ZPBP: variants seen among roughly 807,000 people sequenced by gnomAD.
ZPBP encodes the protein zona pellucida binding protein.
A neutral mutation model predicts 44.8 loss-of-function variants in ZPBP; 26 were observed. That is an observed-to-expected ratio of 0.58 (90% CI 0.43 to 0.81). The LOEUF is 0.81. Ranked by LOEUF, ZPBP falls within the 30% of genes least tolerant of loss-of-function variation. The pLI is 0.00. For synonymous variants in ZPBP, 174 were observed against 153.2 expected, an observed-to-expected ratio of 1.14 and a Z score of -1.00; for missense variants, 409 against 434.0, an observed-to-expected ratio of 0.94 and a Z score of 0.51.
chr7:50,010,055 T>C (rs545612234), intron 6 of ZPBP, among the ~76,000 whole-genome samples: 1 of 152,066 alleles, frequency 6.6e-6, no homozygotes, highest in East Asian at 1.9e-4. Flanking sequence ...AAAATGTAAG[T>C]TTTCCCCAGA....
intron 7 of ZPBP, among the ~76,000 whole-genome samples, chr7:49,965,200 A>G (rs910247286): frequency 2.6e-5 from 4 of 152,110 alleles, no homozygotes; most frequent in African/African-American, 9.7e-5. Context: ...TGTGAAGAAA[A>G]CTACACCAAG....
chr7:50,044,269 GCAAA>G (rs1475012488), intron 4 of ZPBP, among the ~76,000 whole-genome samples: 1 of 152,034 alleles, frequency 6.6e-6, no homozygotes, highest in African/African-American at 2.4e-5. Flanking sequence ...AGAAGCAAGA[GCAAA>G]CAAATTCAAA....
At chr7:50,075,311 A>C (rs1049935129) in intron 3 of ZPBP, among the ~76,000 whole-genome samples, 7 of 151,888 alleles carry the variant, frequency 4.6e-5, no homozygotes, top group Non-Finnish European at 1.0e-4. Context: ...AAGTGCCTAC[A>C]TTGAAAAAAG....
At chr7:49,938,235 CT>C (rs36028315) in intron 7 of ZPBP, among the ~76,000 whole-genome samples, 113,749 of 151,456 alleles carry the variant, frequency 0.75, 42,815 homozygotes, top group East Asian at 0.89. Flanking sequence ...TGGAAAGAGA[CT>C]GCATTTTTTT....
At chr7:49,994,797 G>T (rs571845044) in intron 6 of ZPBP, among the ~76,000 whole-genome samples, 14 of 152,096 alleles carry the variant, frequency 9.2e-5, no homozygotes, top group African/African-American at 3.1e-4. Context: ...GGCCTACATG[G>T]CACATAAGCT....
intron 4 of ZPBP, among the ~76,000 whole-genome samples, chr7:50,049,717 A>G (rs955650165): frequency 6.6e-6 from 1 of 152,002 alleles, no homozygotes; most frequent in Non-Finnish European, 1.5e-5. Context: ...TATATACTCA[A>G]TGGTGAAAGA....
intron 6 of ZPBP, among the ~76,000 whole-genome samples, chr7:49,994,097 G>A (rs1281095796): frequency 1.3e-5 from 2 of 152,046 alleles, no homozygotes; most frequent in East Asian, 1.9e-4. Context: ...AACCACTGGC[G>A]ACAGCCCAGA....
At chr7:49,984,453 A>G (rs191435854) in intron 6 of ZPBP, among the ~76,000 whole-genome samples, 28 of 152,202 alleles carry the variant, frequency 1.8e-4, no homozygotes, top group Non-Finnish European at 5.9e-5. Context: ...GGCACTAGGG[A>G]ATGGTTTTAT....
chr7:49,928,140 A>C (rs780872830), intron 1 of ZPBP, among the ~76,000 whole-genome samples: 2 of 152,118 alleles, frequency 1.3e-5, no homozygotes, highest in African/African-American at 2.4e-5. Flanking sequence ...CTTTGTTTTC[A>C]TGGCCACTTT....
chr7:49,907,430 T>C (rs1005282382), intron 1 of ZPBP, among the ~76,000 whole-genome samples: 2 of 152,204 alleles, frequency 1.3e-5, no homozygotes, highest in African/African-American at 4.8e-5. Flanking sequence ...GACATTTGCA[T>C]TGTAATTTTT....
rs565456045 is a variant in ZPBP, at chr7:49,892,575, G to A, written n.509+8543C>T. On this transcript the variant is annotated intron_variant and non_coding_transcript_variant, in intron 2 of 2. Coordinates refer to the ZPBP transcript ENST00000465922. Reference sequence around the variant, plus strand: ...AGGGGGCTTCCCAGGCCCTGGTCATGTTCTGTTTCTTGATTTGTGTTGCAG... The same window carrying A: ...AGGGGGCTTCCCAGGCCCTGGTCATATTCTGTTTCTTGATTTGTGTTGCAG... Among the ~76,000 whole-genome samples, 3 of 152,300 alleles carry A rather than the reference G, an allele frequency of 2.0e-5. No individual in the cohort carries two copies. In the South Asian group the frequency reaches 6.2e-4, roughly 32 times the overall value.
chr7:49,924,197 G>C (rs748296332), intron 1 of ZPBP, among the ~76,000 whole-genome samples: 30 of 151,512 alleles, frequency 2.0e-4, no homozygotes, highest in Non-Finnish European at 8.8e-5. Context: ...ATAAGTACTA[G>C]ATCTTGATAA....
intron 7 of ZPBP, among the ~76,000 whole-genome samples, chr7:49,978,778 G>T (rs1470113228): frequency 6.6e-6 from 1 of 151,786 alleles, no homozygotes; most frequent in Non-Finnish European, 1.5e-5. Context: ...AGGGTAATTT[G>T]TTAAATCATT....
intron 2 of ZPBP, among the ~76,000 whole-genome samples, chr7:49,881,490 C>A (rs539096610): frequency 6.6e-6 from 1 of 152,126 alleles, no homozygotes. Flanking sequence ...ATGCACAAAA[C>A]GTCCTGTCTC....
chr7:50,031,091 C>T lies in ZPBP; in HGVS notation c.706+1G>A. 1 of 1,612,996 alleles carries T rather than the reference C, an allele frequency of 6.2e-7. No individual in the cohort carries two copies. The highest frequency in any genetic ancestry group is 8.5e-7 in the Non-Finnish European group (1 of 1,179,630). ...TTTTCTAACAAATTGTATAGACTTA[C>T]CTGAAAATGCAAAGAACAATTCATT... On this transcript the variant is annotated splice_donor_variant, in intron 5 of 7. Transcript: ENST00000046087. LOFTEE classifies it high-confidence loss of function.
In ZPBP at chr7:50,057,979, T is replaced by A. The variant is rs1311286565; in HGVS notation, c.487+10A>T. 1 of 1,605,260 alleles carries A rather than the reference T, an allele frequency of 6.2e-7. No individual in the cohort carries two copies. Among genetic ancestry groups the A allele is most frequent in the African/African-American group, 1.3e-5 (1 of 74,714 alleles). On this transcript the variant is annotated intron_variant, in intron 4 of 7. Coordinates refer to ENST00000046087, the MANE Select transcript of ZPBP (RefSeq NM_007009.3). ...AGAAAGGTTAAAACACAACTAACTTTACTTCTTACCATATATAGCATATTT... is the reference window on the plus strand; with the variant it reads ...AGAAAGGTTAAAACACAACTAACTTAACTTCTTACCATATATAGCATATTT...
intron 7 of ZPBP, among the ~76,000 whole-genome samples, chr7:49,977,539 A>C (rs1034147096): frequency 1.3e-5 from 2 of 152,208 alleles, no homozygotes; most frequent in African/African-American, 4.8e-5. Flanking sequence ...AAGATGATTA[A>C]ATATGCTAAC....
chr7:49,892,167 C>CCCGAG (rs1237316452), intron 2 of ZPBP, among the ~76,000 whole-genome samples: 1 of 150,722 alleles, frequency 6.6e-6, no homozygotes, highest in East Asian at 2.0e-4. Flanking sequence ...GCCTCAGCCT[C>CCCGAG]CCGAGTAGCT....
At chr7:49,981,553 A>ATTATATATTATATAATTATAT (rs1796940812) in intron 7 of ZPBP, among the ~76,000 whole-genome samples, 1 of 77,814 alleles carries the variant, frequency 1.3e-5, no homozygotes, top group East Asian at 7.1e-4. Flanking sequence ...ATAATTATAT[A>ATTATATATTATATAATTATAT]AATTATATAT....
Sources: allele counts gnomAD v4.1 joint callset (sites outside exome capture counted in the v4.1 genomes callset), GRCh38; gene constraint gnomAD v4.1.1; transcripts MANE v1.5; gene names NCBI Gene and HGNC (gene_info 2026-07-23, HGNC 2026-07-21).